The following IRAK3 variants were observed in gnomAD, a reference collection of about 807,000 sequenced individuals.
The protein encoded by IRAK3 is interleukin-1 receptor-associated kinase 3.
Under a neutral mutation model 56.6 loss-of-function variants are expected in IRAK3, and 57 were observed. The ratio of observed to expected loss-of-function variants is 1.01; its 90% CI spans 0.81 to 1.26. IRAK3 has a LOEUF of 1.26. Among genes scored for constraint, IRAK3 ranks in the 50% most tolerant of loss-of-function variants. The pLI, the probability that IRAK3 is intolerant of heterozygous loss-of-function variation, is 0.00. For missense variants in IRAK3, 703 were observed against 719.0 expected (o/e 0.98, Z 0.25); for synonymous variants, 258 against 255.7 (o/e 1.01, Z -0.09).
intron 6 of IRAK3, among the ~76,000 whole-genome samples, chr12:66,219,894 T>C (rs566008975): frequency 6.6e-6 from 1 of 152,294 alleles, no homozygotes; most frequent in East Asian, 1.9e-4. Context: ...TTTTATCAGG[T>C]TATTTGCTTT....
At chr12:66,190,722 G>T (rs768638674) in intron 1 of IRAK3, among the ~76,000 whole-genome samples, 2 of 152,010 alleles carry the variant, frequency 1.3e-5, no homozygotes, top group Non-Finnish European at 2.9e-5. Context: ...CATTATCATC[G>T]CCAGTGTTTT....
chr12:66,228,269 C>T lies in IRAK3; in HGVS notation c.786C>T (p.Leu262=). 1 of 1,613,984 alleles carries T rather than the reference C, an allele frequency of 6.2e-7. No homozygotes were observed. The highest frequency in any genetic ancestry group is 8.5e-7 in the Non-Finnish European group (1 of 1,179,848). ...TGTTTTAGGGTGACACGGCCCCACT[C>T]CCTTGGCACATTCGAATCGGTATAT... is the stretch of plus-strand genomic sequence containing the variant. The part of the protein sequence containing the change: ...RLQCVGDTAP[L]PWHIRIGILI... The change falls in exon 8 of 12, where the codon CTC becomes CTT. Residue 262 remains leucine (L), a synonymous_variant. Transcript: ENST00000261233.
At chr12:66,212,467 G>A (rs559288967) in intron 5 of IRAK3, among the ~76,000 whole-genome samples, 5 of 152,216 alleles carry the variant, frequency 3.3e-5, no homozygotes, top group East Asian at 1.9e-4. Flanking sequence ...GCTGCTCTTC[G>A]TTTTCTTCAT....
At chr12:66,199,409 G>A (rs2052486079) in intron 1 of IRAK3, among the ~76,000 whole-genome samples, 1 of 152,156 alleles carries the variant, frequency 6.6e-6, no homozygotes, top group Non-Finnish European at 1.5e-5. Context: ...TTTTTTCCTT[G>A]GAAAGCAGGA....
chr12:66,229,826 T>C (rs990578329), intron 8 of IRAK3, among the ~76,000 whole-genome samples: 3 of 152,210 alleles, frequency 2.0e-5, no homozygotes, highest in African/African-American at 7.2e-5. Flanking sequence ...TGCTCAAATA[T>C]ATGTTTTACT....
chr12:66,195,296 G>A (rs578175675), intron 1 of IRAK3, among the ~76,000 whole-genome samples: 7 of 152,188 alleles, frequency 4.6e-5, no homozygotes, highest in African/African-American at 2.4e-5. Flanking sequence ...AACCACCATC[G>A]GTTCCCACCT....
At chr12:66,201,262 G>C (rs996598591) in intron 1 of IRAK3, among the ~76,000 whole-genome samples, 1 of 152,166 alleles carries the variant, frequency 6.6e-6, no homozygotes, top group Non-Finnish European at 1.5e-5. Context: ...AGACCACCTT[G>C]GTTCCTGCTG....
rs2052877405 is a variant in IRAK3 at position 66,234,177 on chromosome 12, T to A, written c.887+5807T>A. On this transcript the variant is annotated intron_variant, in intron 8 of 11. Transcript: ENST00000261233. ...TCAACAGGAGCCGCTGTCGTCTGCA[T>A]ATGTTCATACTGTGGCAAGTAGGCT... 7 of 1,614,168 alleles carry A rather than the reference T, an allele frequency of 4.3e-6. No homozygotes were observed. In the Admixed American group the frequency reaches 1.2e-4, roughly 27 times the overall value.
chr12:66,192,436 C>T (rs1312785046), intron 1 of IRAK3, among the ~76,000 whole-genome samples: 1 of 152,098 alleles, frequency 6.6e-6, no homozygotes, highest in Non-Finnish European at 1.5e-5. Flanking sequence ...GTAGTACATA[C>T]AGAACCTCTG....
Position 66,189,234 on chromosome 12 carries a change from A to G in IRAK3, c.-66A>G. 1.3e-6 allele frequency: 2 copies of G among 1,523,716 alleles called. No homozygotes were observed. The highest frequency in any genetic ancestry group is 2.4e-5 in the South Asian group (2 of 83,758). 94.4% of individuals were successfully genotyped at this position (1,523,716 alleles called of 1,614,324 possible). On this transcript the variant is annotated 5_prime_UTR_variant, in exon 1 of 12. Transcript: ENST00000261233. ...GAAGCAGGATTTCCGCGGTTGTGTA[A>G]CGGCCTGTCGCAGGCGTGCAGGGAC...
chr12:66,240,446 A>G (rs1324465450), intron 8 of IRAK3, among the ~76,000 whole-genome samples: 1 of 152,176 alleles, frequency 6.6e-6, no homozygotes, highest in Non-Finnish European at 1.5e-5. Context: ...CCACAGGGGA[A>G]TAAAGGGTTT....
At chr12:66,192,088 G>A (rs1231255388) in intron 1 of IRAK3, among the ~76,000 whole-genome samples, 1 of 152,174 alleles carries the variant, frequency 6.6e-6, no homozygotes, top group African/African-American at 2.4e-5. Flanking sequence ...TGGGTTGAGG[G>A]TCCAGCTTCT....
intron 8 of IRAK3, chr12:66,234,291 A>G (rs2052878758): frequency 2.5e-6 from 4 of 1,612,860 alleles, no homozygotes; most frequent in Non-Finnish European, 3.4e-6. Flanking sequence ...CTGATCATTG[A>G]TGCGGGCTGT....
chr12:66,191,866 T>C (rs958161157), intron 1 of IRAK3, among the ~76,000 whole-genome samples: 1 of 152,180 alleles, frequency 6.6e-6, no homozygotes, highest in Non-Finnish European at 1.5e-5. Context: ...AACTGTAATA[T>C]ACTAAGTAAA....
intron 5 of IRAK3, among the ~76,000 whole-genome samples, chr12:66,212,360 A>T (rs2052621251): frequency 6.6e-6 from 1 of 152,198 alleles, no homozygotes; most frequent in South Asian, 2.1e-4. Flanking sequence ...GGAGGTCAGA[A>T]GACAGTTGAT....
chr12:66,233,516 TC>T (rs1384618732), intron 8 of IRAK3, among the ~76,000 whole-genome samples: 1 of 86,532 alleles, frequency 1.2e-5, no homozygotes, highest in African/African-American at 3.8e-5. Context: ...AGACTCCGTC[TC>T]GGAAAAAAAA....
Position 66,203,866 on chromosome 12 carries a change from C to T in IRAK3, c.289C>T (p.Arg97Ter), listed in dbSNP as rs137909830. Residue 97 changes from arginine (R) to a stop codon, truncating the protein, a stop_gained, in exon 2 of 12, where the codon CGA (arginine) becomes TGA (stop). Transcript: ENST00000261233. LOFTEE classifies it high-confidence loss of function. Reference sequence around the variant, plus strand: ...GGTCCTCCAGGAGATGGGACATCGTCGAGCTATTCATTTAATTACAAACTA... The same window carrying T: ...GGTCCTCCAGGAGATGGGACATCGTTGAGCTATTCATTTAATTACAAACTA... ...LQVLQEMGHRRAIHLITNYGA... is the reference protein window; with the variant it reads ...LQVLQEMGHR The T allele has an allele frequency of 3.4e-4, 549 of 1,613,688 alleles. 1 individual carries two copies. The highest frequency in any genetic ancestry group is 4.2e-4 in the East Asian group (19 of 44,872).
intron 6 of IRAK3, among the ~76,000 whole-genome samples, chr12:66,225,335 G>A (rs2052774359): frequency 6.7e-6 from 1 of 150,322 alleles, no homozygotes; most frequent in Non-Finnish European, 1.5e-5. Context: ...AGAAGACTTT[G>A]ATATATTTAA....
intron 7 of IRAK3, 52 bp from the exon 8 acceptor site, chr12:66,228,199 AG>A: frequency 8.5e-7 from 1 of 1,172,620 alleles, no homozygotes; most frequent in Non-Finnish European, 1.3e-6. Context: ...ATGAATACAT[AG>A]GTAGTTTTTA....
Sources: allele counts gnomAD v4.1 joint callset (sites outside exome capture counted in the v4.1 genomes callset), GRCh38; gene constraint gnomAD v4.1.1; transcripts MANE v1.5; gene names NCBI Gene and HGNC (gene_info 2026-07-23, HGNC 2026-07-21).